NCOR1: variants seen among roughly 807,000 people sequenced by gnomAD.
The protein encoded by NCOR1 is protein phosphatase 1, regulatory subunit 109.
In NCOR1, 63 loss-of-function variants were observed where a neutral mutation model predicts 288.1. The observed-to-expected ratio is 0.22, with a 90% confidence interval of 0.18 to 0.27. The LOEUF (loss-of-function observed/expected upper bound fraction) is 0.27, where lower values mean the gene tolerates loss of function less well. Ranked by LOEUF, NCOR1 falls within the 10% of genes least tolerant of loss-of-function variation. The pLI, the probability that NCOR1 is intolerant of heterozygous loss-of-function variation, is 1.00. For synonymous variants in NCOR1, 1,007 were observed against 1,065.9 expected (o/e 0.94, Z 1.08); for missense variants, 2,397 against 3,019.2 (o/e 0.79, Z 4.83).
At chr17:16,158,221 G>C (rs918170263) in intron 6 of NCOR1, among the ~76,000 whole-genome samples, 4 of 152,082 alleles carry the variant, frequency 2.6e-5, no homozygotes, top group Non-Finnish European at 5.9e-5. Flanking sequence ...TGATCTACCC[G>C]CCTCGGCCTC....
chr17:16,139,222 T>C (rs781274913), intron 11 of NCOR1, 36 bp from the exon 12 acceptor site: 20 of 1,578,064 alleles, frequency 1.3e-5, no homozygotes, highest in Admixed American at 1.8e-5. Context: ...GAATAAAACA[T>C]AAACTAGAAA....
In NCOR1 at chr17:16,038,990, C is replaced by T. The variant is rs191115242; in HGVS notation, c.6955+443G>A. On this transcript the variant is annotated intron_variant, in intron 44 of 45. Coordinates refer to ENST00000268712, the MANE Select transcript of NCOR1 (RefSeq NM_006311.4). ...TTCACCATGTTGGCCAGGATGGTCT[C>T]GATCTCTTGACCTTGTGATCCGCCC... is the stretch of plus-strand genomic sequence containing the variant. 6.6e-3 allele frequency among the ~76,000 whole-genome samples: 1,009 copies of T among 152,260 alleles called. 10 individuals are homozygous for T. The highest frequency in any genetic ancestry group is 0.011 in the Non-Finnish European group (779 of 68,020).
chr17:16,155,997 G>C (rs564128204), intron 6 of NCOR1, among the ~76,000 whole-genome samples: 10 of 152,216 alleles, frequency 6.6e-5, no homozygotes, highest in Admixed American at 1.3e-4. Flanking sequence ...ACATACATAA[G>C]AAAGAAAAGA....
intron 19 of NCOR1, 40 bp downstream of exon 19, chr17:16,108,746 G>C (rs768516589): frequency 2.5e-5 from 39 of 1,548,690 alleles, no homozygotes; most frequent in Admixed American, 9.8e-5. Context: ...ATTTATTCTG[G>C]ATAGCAGATG....
chr17:16,170,795 C>T (rs1008935635), intron 4 of NCOR1, among the ~76,000 whole-genome samples: 5 of 149,948 alleles, frequency 3.3e-5, no homozygotes, highest in South Asian at 4.2e-4. Flanking sequence ...GAGCCAAGAT[C>T]GCGCCACTGC....
chr17:16,050,285 C>T (rs951877567), intron 40 of NCOR1, among the ~76,000 whole-genome samples: 12 of 151,520 alleles, frequency 7.9e-5, no homozygotes, highest in Non-Finnish European at 1.8e-4. Context: ...TGCAGTAGCA[C>T]GATCTTGGCT....
chr17:16,063,169 AT>A (rs975572584), intron 35 of NCOR1, among the ~76,000 whole-genome samples: 1 of 152,000 alleles, frequency 6.6e-6, no homozygotes, highest in East Asian at 1.9e-4. Context: ...ATGAATATTT[AT>A]TTTTTTAATT....
At chr17:16,115,069 A>C (rs1382170239) in intron 18 of NCOR1, among the ~76,000 whole-genome samples, 1 of 152,142 alleles carries the variant, frequency 6.6e-6, no homozygotes, top group Non-Finnish European at 1.5e-5. Flanking sequence ...CCCAAACCTC[A>C]ATTCTTGACT....
chr17:16,095,632 T>C (rs1390868957), intron 21 of NCOR1, among the ~76,000 whole-genome samples: 1 of 31,506 alleles, frequency 3.2e-5, no homozygotes, highest in Admixed American at 2.8e-4. Flanking sequence ...GGAGCCCCTC[T>C]GCCCGGCCAG....
chr17:16,047,573 C>T (rs891387389), intron 41 of NCOR1, among the ~76,000 whole-genome samples: 3 of 152,278 alleles, frequency 2.0e-5, no homozygotes, highest in Admixed American at 2.0e-4. Flanking sequence ...TGGACTGGAA[C>T]ACAACAGTAT....
At chr17:16,098,521 A>T in intron 20 of NCOR1, 25 bp from the exon 21 acceptor site, 1 of 1,590,510 alleles carries the variant, frequency 6.3e-7, no homozygotes, top group Non-Finnish European at 8.6e-7. Context: ...TAAAAAAAAG[A>T]TAAATGAATA....
At chr17:16,204,632 A>T (rs1360601651) in intron 1 of NCOR1, among the ~76,000 whole-genome samples, 1 of 152,234 alleles carries the variant, frequency 6.6e-6, no homozygotes, top group Non-Finnish European at 1.5e-5. Flanking sequence ...TTTAGTAGAT[A>T]GGTGAATATT....
intron 14 of NCOR1, among the ~76,000 whole-genome samples, chr17:16,127,089 T>C (rs2074188924): frequency 6.8e-6 from 1 of 147,072 alleles, no homozygotes; most frequent in African/African-American, 2.5e-5. Context: ...CAAATCAAAG[T>C]TTATCATAGG....
chr17:16,091,956 C>T lies in NCOR1; in HGVS notation c.2923G>A (p.Glu975Lys), dbSNP rs2152908219. The T allele has an allele frequency of 6.2e-7, 1 of 1,614,242 alleles. No individual in the cohort carries two copies. Residue 975 changes from glutamate (E) to lysine (K), a missense_variant, in exon 22 of 46, where the codon GAG (glutamate) becomes AAG (lysine). Glu to Lys is a moderately conservative substitution (Grantham distance 56, BLOSUM62 1). This residue lies in a region of NCOR1 where 1,872 missense variants were observed against 2,187.8 expected (regional missense o/e 0.86). Transcript: ENST00000268712. ...KAMHESALLE[E>K]QRQRQEQIDL... The stretch of plus-strand genomic sequence containing the variant: ...ATCTGTTCTTGTCTCTGCCGCTGCT[C>T]CTCCAGGAGTGCTGACTCATGCATT...
At chr17:16,174,318 A>G (rs2083678871) in intron 3 of NCOR1, among the ~76,000 whole-genome samples, 1 of 152,256 alleles carries the variant, frequency 6.6e-6, no homozygotes, top group African/African-American at 2.4e-5. Flanking sequence ...TAATCAAAAG[A>G]TTCATCCTCC....
chr17:16,209,637 T>TAAAA (rs34131313), intron 1 of NCOR1, among the ~76,000 whole-genome samples: 2 of 142,422 alleles, frequency 1.4e-5, no homozygotes, highest in African/African-American at 5.1e-5. Context: ...CTTTTGGATG[T>TAAAA]AAAAAAAAAA....
In NCOR1 at chr17:16,046,982, C is replaced by A; in HGVS notation, c.6648G>T (p.Leu2216Phe). The change falls in exon 42 of 46, where the codon TTG (leucine) becomes TTT (phenylalanine). Residue 2216 changes from leucine to phenylalanine, a missense_variant. By Grantham distance (22) the Leu-to-Phe change is conservative (BLOSUM62 0). This residue lies in a region of NCOR1 where 1,872 missense variants were observed against 2,187.8 expected (regional missense o/e 0.86). Transcript: ENST00000268712. Reference protein sequence around the residue: ...KSKKQEIFRKLNSSGGGDSDM... With the variant: ...KSKKQEIFRKFNSSGGGDSDM... ...CAGAGTCACCTCCACCAGAGGAGTT[C>A]AACTTACGAAAAATCTCCTGCTTCT... 6.2e-7 allele frequency: 1 copy of A among 1,613,988 alleles called. No homozygotes were observed. The highest frequency in any genetic ancestry group is 1.1e-5 in the South Asian group (1 of 91,048).
At chr17:16,211,513 A>G (rs746166961) in intron 1 of NCOR1, among the ~76,000 whole-genome samples, 1 of 152,148 alleles carries the variant, frequency 6.6e-6, no homozygotes, top group Non-Finnish European at 1.5e-5. Context: ...GATTATAGGC[A>G]TGAGCCACTG....
intron 30 of NCOR1, 140 bp from the exon 31 acceptor site, chr17:16,070,665 C>T (rs2061643034): frequency 1.8e-6 from 2 of 1,089,990 alleles, no homozygotes; most frequent in East Asian, 2.4e-5. Flanking sequence ...ATCACAACCC[C>T]ACTGATCCCA....
Sources: allele counts gnomAD v4.1 joint callset (sites outside exome capture counted in the v4.1 genomes callset), GRCh38; gene constraint gnomAD v4.1.1; regional missense constraint gnomAD v4.1.1; transcripts MANE v1.5; gene names NCBI Gene and HGNC (gene_info 2026-07-23, HGNC 2026-07-21).